The following DENND6A variants were observed in gnomAD, a reference collection of about 807,000 sequenced individuals.
The protein encoded by DENND6A is protein DENND6A.
Under a neutral mutation model 95.5 loss-of-function variants are expected in DENND6A, and 43 were observed. The ratio of observed to expected loss-of-function variants is 0.45; its 90% CI spans 0.35 to 0.58. The LOEUF (loss-of-function observed/expected upper bound fraction) is 0.58, where lower values mean the gene tolerates loss of function less well. Ranked by LOEUF, DENND6A falls within the 20% of genes least tolerant of loss-of-function variation. DENND6A has a pLI of 0.00. For synonymous variants in DENND6A, 257 were observed against 260.4 expected, an observed-to-expected ratio of 0.99 and a Z score of 0.13; for missense variants, 574 against 736.0, an observed-to-expected ratio of 0.78 and a Z score of 2.55.
chr3:57,632,465 C>T (rs1044444388), intron 15 of DENND6A, among the ~76,000 whole-genome samples: 4 of 152,108 alleles, frequency 2.6e-5, no homozygotes, highest in Admixed American at 2.6e-4. Context: ...GCCTGAGCCA[C>T]TGTGCCCAGC....
chr3:57,676,563 T>C (rs1463859489), intron 1 of DENND6A, among the ~76,000 whole-genome samples: 1 of 151,946 alleles, frequency 6.6e-6, no homozygotes, highest in Non-Finnish European at 1.5e-5. Flanking sequence ...CTTAATTTAA[T>C]GTGTATTAGG....
intron 1 of DENND6A, among the ~76,000 whole-genome samples, chr3:57,673,187 C>G (rs1163752503): frequency 8.3e-6 from 1 of 120,052 alleles, no homozygotes; most frequent in Non-Finnish European, 1.6e-5. Context: ...GCACTCCAGC[C>G]TGGGCGACAG....
chr3:57,631,213 T>TTGAG, intron 15 of DENND6A: 1 of 472,728 alleles, frequency 2.1e-6, no homozygotes, highest in Admixed American at 3.8e-5. Context: ...TTTTTCTTTT[T>TTGAG]TGAGACAGAG....
At chr3:57,629,376 T>G (rs1323170559) in intron 18 of DENND6A, among the ~76,000 whole-genome samples, 2 of 152,116 alleles carry the variant, frequency 1.3e-5, no homozygotes, top group South Asian at 2.1e-4. Flanking sequence ...AGTAGAAAGT[T>G]AACACTGAGG....
At chr3:57,653,765 G>A (rs2153414874) in intron 9 of DENND6A, among the ~76,000 whole-genome samples, 1 of 147,828 alleles carries the variant, frequency 6.8e-6, no homozygotes, top group African/African-American at 2.5e-5. Context: ...AAAAAAAAAG[G>A]TAGCGTGCTC....
chr3:57,629,787 G>A (rs1196156501), intron 18 of DENND6A, among the ~76,000 whole-genome samples: 1 of 151,666 alleles, frequency 6.6e-6, no homozygotes, highest in Non-Finnish European at 1.5e-5. Context: ...CTCCCAAAGT[G>A]CTGGGATTAC....
At chr3:57,689,164 AG>A (rs2077238263) in intron 1 of DENND6A, among the ~76,000 whole-genome samples, 1 of 151,988 alleles carries the variant, frequency 6.6e-6, no homozygotes, top group African/African-American at 2.4e-5. Flanking sequence ...CGTGTTGGCC[AG>A]GGTGGTCTCG....
rs773355102 is a variant in DENND6A at position 57,628,798 on chromosome 3, T to C, written c.1695+13A>G. Reference sequence around the variant, plus strand: ...AAAAGTCAATTTAATCTTTGGCTGTTTTGGCTACATACCAGCTTATTTTTC... The same window carrying C: ...AAAAGTCAATTTAATCTTTGGCTGTCTTGGCTACATACCAGCTTATTTTTC... On this transcript the variant is annotated intron_variant, in intron 19 of 19. Transcript: ENST00000311128. 2.5e-6 allele frequency: 4 copies of C among 1,607,422 alleles called. No homozygotes were observed. The highest frequency in any genetic ancestry group is 3.4e-6 in the Non-Finnish European group (4 of 1,178,320).
At position 57,662,947 on chromosome 3, in the gene DENND6A, C is replaced by T. The variant is rs2071451540; in HGVS notation, c.513+689G>A. On this transcript the variant is annotated intron_variant, in intron 5 of 19. Transcript: ENST00000311128. ...CAGCCTGGCCAACATGGTGAGACCC[C>T]GTCTCTATTAAAAATACAAAAATTA... is the stretch of plus-strand genomic sequence containing the variant. Among the ~76,000 whole-genome samples, 3 of 151,456 alleles carry T rather than the reference C, an allele frequency of 2.0e-5. No homozygotes were observed. The South Asian group carries it at 6.3e-4, about 32-fold the overall frequency.
In DENND6A at chr3:57,634,789, G is replaced by T. The variant is rs764895805; in HGVS notation, c.1133-20C>A. The stretch of plus-strand genomic sequence containing the variant: ...TTTCACCTGAAGGAAGCAGCATAAA[G>T]ATTTTTATAATTATTCTAATCATAC... On this transcript the variant is annotated intron_variant, in intron 12 of 19. Transcript: ENST00000311128. 1.4e-5 allele frequency: 21 copies of T among 1,522,832 alleles called. No homozygotes were observed. The allele number at this position is 1,522,832 out of a possible 1,614,324, so 94.3% of individuals were successfully genotyped here. A position where few individuals can be genotyped will look rare whatever the true frequency, so the allele number is the denominator to read the frequency against.
At chr3:57,686,061 A>G (rs914496625) in intron 1 of DENND6A, among the ~76,000 whole-genome samples, 1 of 152,230 alleles carries the variant, frequency 6.6e-6, no homozygotes, top group Non-Finnish European at 1.5e-5. Context: ...CTCATATGTA[A>G]CAAATGCCCC....
intron 1 of DENND6A, among the ~76,000 whole-genome samples, chr3:57,682,204 C>G (rs1461918118): frequency 6.8e-6 from 1 of 147,948 alleles, no homozygotes; most frequent in Non-Finnish European, 1.5e-5. Flanking sequence ...TCGCTTGAAC[C>G]CGGCAGGCGG....
chr3:57,651,111 TA>T (rs1338451056), intron 9 of DENND6A, among the ~76,000 whole-genome samples: 2 of 152,078 alleles, frequency 1.3e-5, no homozygotes, highest in East Asian at 3.9e-4. Flanking sequence ...ATTCAACCAT[TA>T]AAAAAATGAA....
chr3:57,662,144 A>C (rs2071432864), intron 5 of DENND6A, among the ~76,000 whole-genome samples: 1 of 151,498 alleles, frequency 6.6e-6, no homozygotes, highest in Admixed American at 6.6e-5. Flanking sequence ...TTAAATAGGA[A>C]AGATTATTTT....
In DENND6A at chr3:57,634,698, C is replaced by G; in HGVS notation, c.1198+6G>C. 6.5e-7 allele frequency: 1 copy of G among 1,538,150 alleles called. No homozygotes were observed. ...TATATATTTAAAAATCAATAAAAGT[C>G]AATACCAGGTTTGGAATCCAGAGTC... is the stretch of plus-strand genomic sequence containing the variant. On this transcript the variant is annotated splice_donor_region_variant and intron_variant, in intron 13 of 19. Coordinates refer to ENST00000311128, the MANE Select transcript of DENND6A (RefSeq NM_152678.3).
At chr3:57,692,672 G>C in intron 1 of DENND6A, 110 bp downstream of exon 1, 1 of 1,034,730 alleles carries the variant, frequency 9.7e-7, no homozygotes, top group South Asian at 2.0e-5. Flanking sequence ...GGCCACGCCC[G>C]GATGCGCCGC....
intron 15 of DENND6A, 109 bp downstream of exon 15, chr3:57,633,156 C>A (rs901170291): frequency 2.2e-6 from 2 of 895,866 alleles, no homozygotes; most frequent in Admixed American, 2.4e-5. Flanking sequence ...CTAAATATAC[C>A]AGGCTGGCAA....
rs1402684255 is a variant in DENND6A, at chr3:57,627,542, G to A, written c.*672C>T. 1.3e-5 allele frequency: 2 copies of A among 151,898 alleles called. No individual in the cohort carries two copies. Among genetic ancestry groups the A allele is most frequent in the African/African-American group, 4.8e-5 (2 of 41,308 alleles). The allele number at this position is 151,898 out of a possible 1,614,324, so 9.4% of individuals were successfully genotyped here. ...GGAGAAACTGGTAACATTAAATTTT[G>A]AAAATGGAAGGGAAAATAATGAAAA... is the stretch of plus-strand genomic sequence containing the variant. On this transcript the variant is annotated 3_prime_UTR_variant, in exon 20 of 20. Coordinates refer to ENST00000311128, the MANE Select transcript of DENND6A (RefSeq NM_152678.3).
intron 15 of DENND6A, chr3:57,631,239 C>T (rs2070664469): frequency 5.4e-6 from 2 of 370,924 alleles, no homozygotes; most frequent in Admixed American, 4.4e-5. Flanking sequence ...TTCTGTTGCG[C>T]AGGCTGGAGT....
Sources: allele counts gnomAD v4.1 joint callset (sites outside exome capture counted in the v4.1 genomes callset), GRCh38; gene constraint gnomAD v4.1.1; transcripts MANE v1.5; gene names NCBI Gene and HGNC (gene_info 2026-07-23, HGNC 2026-07-21).